PCDHGA7: variants seen among roughly 807,000 people sequenced by gnomAD.
PCDHGA7 encodes the protein protocadherin gamma subfamily A, 7.
PCDHGA7 carries 44 observed loss-of-function variants against 58.3 expected under a neutral mutation model. The ratio of observed to expected loss-of-function variants is 0.75; its 90% CI spans 0.59 to 0.97. PCDHGA7 has a LOEUF of 0.97. Among genes scored for constraint, PCDHGA7 ranks in the 50% least tolerant of loss-of-function variants. PCDHGA7 has a pLI of 0.00. For synonymous variants in PCDHGA7, 516 were observed against 504.2 expected, an observed-to-expected ratio of 1.02 and a Z score of -0.31; for missense variants, 1,266 against 1,188.7, an observed-to-expected ratio of 1.06 and a Z score of -0.96.
rs2096651086 is a variant in PCDHGA7 at position 141,422,486 on chromosome 5, A to G, written c.2424+37163A>G. Reference sequence around the variant, plus strand: ...GACAGGGAGTTGGTCCAGAGCTACAATATAACGTTGACAGCCACAGACCAG... The same window carrying G: ...GACAGGGAGTTGGTCCAGAGCTACAGTATAACGTTGACAGCCACAGACCAG... On this transcript the variant is annotated intron_variant, in intron 1 of 3. Coordinates refer to ENST00000518325, the MANE Select transcript of PCDHGA7 (RefSeq NM_018920.4). The G allele has an allele frequency of 1.2e-6, 2 of 1,613,852 alleles. No individual in the cohort carries two copies. The highest frequency in any genetic ancestry group is 1.3e-5 in the African/African-American group (1 of 74,924).
At chr5:141,504,634 AG>A (rs2099839600) in intron 2 of PCDHGA7, among the ~76,000 whole-genome samples, 1 of 115,756 alleles carries the variant, frequency 8.6e-6, no homozygotes, top group Non-Finnish European at 1.7e-5. Context: ...ACCTTGGAAA[AG>A]GTTTGATGAT....
At chr5:141,478,862 C>A in intron 1 of PCDHGA7, 1 of 1,326,032 alleles carries the variant, frequency 7.5e-7, no homozygotes, top group Non-Finnish European at 1.0e-6. Context: ...AAGATCTCAG[C>A]GATCAGAGTT....
At chr5:141,464,748 T>C (rs995568259) in intron 1 of PCDHGA7, among the ~76,000 whole-genome samples, 2 of 152,190 alleles carry the variant, frequency 1.3e-5, no homozygotes, top group Admixed American at 1.3e-4. Context: ...TATCTTTTTG[T>C]TTTTTTAGAG....
At chr5:141,410,893 G>A (rs1302061377) in intron 1 of PCDHGA7, 5 of 276,602 alleles carry the variant, frequency 1.8e-5, no homozygotes, top group South Asian at 4.6e-5. Context: ...TCGCACTGTT[G>A]CCTAGGCTGG....
chr5:141,408,694 A>T (rs2095152952), intron 1 of PCDHGA7: 1 of 1,613,772 alleles, frequency 6.2e-7, no homozygotes, highest in African/African-American at 1.3e-5. Flanking sequence ...ATATAAACAT[A>T]AACTCAATTA....
chr5:141,510,398 G>A (rs2099880972), intron 3 of PCDHGA7, among the ~76,000 whole-genome samples: 1 of 152,064 alleles, frequency 6.6e-6, no homozygotes, highest in African/African-American at 2.4e-5. Flanking sequence ...CTTGGCAAAG[G>A]CTAGGGGCAT....
chr5:141,512,702 C>T lies in PCDHGA7; in HGVS notation c.*1529C>T, dbSNP rs940927635. 2.0e-5 allele frequency: 3 copies of T among 152,828 alleles called. No homozygotes were observed. Among genetic ancestry groups the T allele is most frequent in the Non-Finnish European group, 2.9e-5 (2 of 68,560 alleles). The allele number at this position is 152,828 out of a possible 1,614,324, so 9.5% of individuals were successfully genotyped here. ...ATAGCCAGTAGTGTAGTGCGGTGTG[C>T]TTTTACGTGATGGCGGGTGGGCAGC... On this transcript the variant is annotated 3_prime_UTR_variant, in exon 4 of 4. Transcript: ENST00000518325.
intron 1 of PCDHGA7, chr5:141,428,371 C>A: frequency 5.6e-6 from 3 of 536,772 alleles, no homozygotes; most frequent in Non-Finnish European, 1.0e-5. Flanking sequence ...CGCCTTGCAC[C>A]TGCGATGCTC....
At chr5:141,492,423 G>C (rs1164828445) in intron 1 of PCDHGA7, among the ~76,000 whole-genome samples, 1 of 152,222 alleles carries the variant, frequency 6.6e-6, no homozygotes, top group African/African-American at 2.4e-5. Context: ...CCCTCCGCCG[G>C]GCTCAGGAGT....
chr5:141,412,170 A>G (rs1015665615), intron 1 of PCDHGA7: 2 of 152,230 alleles, frequency 1.3e-5, no homozygotes, highest in Non-Finnish European at 1.5e-5. Context: ...GATTATTTAT[A>G]CTGGTATTAA....
intron 1 of PCDHGA7, chr5:141,404,714 G>A: frequency 3.1e-6 from 5 of 1,614,068 alleles, no homozygotes; most frequent in Non-Finnish European, 4.2e-6. Flanking sequence ...TGGCTACCTG[G>A]TGACCAAGGT....
At chr5:141,436,105 A>G (rs2097796181) in intron 1 of PCDHGA7, among the ~76,000 whole-genome samples, 2 of 152,198 alleles carry the variant, frequency 1.3e-5, no homozygotes, top group African/African-American at 4.8e-5. Context: ...GAAATAGAGG[A>G]CAATGAAACC....
At chr5:141,426,919 C>A (rs1220443930) in intron 1 of PCDHGA7, 3 of 456,620 alleles carry the variant, frequency 6.6e-6, no homozygotes, top group African/African-American at 6.0e-5. Context: ...GTCCTGGAAG[C>A]AATGGACATG....
intron 1 of PCDHGA7, chr5:141,395,381 A>T (rs562557513): frequency 2.7e-6 from 3 of 1,094,770 alleles, no homozygotes; most frequent in Non-Finnish European, 3.8e-6. Flanking sequence ...TGGTGTTACT[A>T]TAAAATTGAA....
intron 1 of PCDHGA7, chr5:141,415,000 T>G: frequency 6.2e-7 from 1 of 1,613,660 alleles, no homozygotes; most frequent in Non-Finnish European, 8.5e-7. Context: ...CGCCTGGCTG[T>G]CCTACCGTCT....
chr5:141,410,623 G>T, intron 1 of PCDHGA7: 2 of 1,603,052 alleles, frequency 1.2e-6, no homozygotes, highest in Non-Finnish European at 1.7e-6. Context: ...TGACTTCGGT[G>T]AGTTTCTCTT....
chr5:141,444,463 G>A (rs570185430), intron 1 of PCDHGA7, among the ~76,000 whole-genome samples: 10 of 152,026 alleles, frequency 6.6e-5, no homozygotes, highest in Admixed American at 1.3e-4. Context: ...GAGTCACTGC[G>A]CCCGGTCGCG....
At chr5:141,501,600 C>G (rs1320824291) in intron 2 of PCDHGA7, among the ~76,000 whole-genome samples, 1 of 152,040 alleles carries the variant, frequency 6.6e-6, no homozygotes, top group Admixed American at 6.6e-5. Flanking sequence ...TCTACCAGTT[C>G]CAGCTGTGTG....
chr5:141,399,146 G>T (rs758823968), intron 1 of PCDHGA7: 1 of 1,613,792 alleles, frequency 6.2e-7, no homozygotes, highest in East Asian at 2.2e-5. Context: ...AATGACAATA[G>T]CCCAGAAGTT....
Sources: gnomAD v4.1 joint callset for allele counts (sites outside exome capture counted in the v4.1 genomes callset) on GRCh38, gnomAD v4.1.1 for gene constraint, MANE v1.5 for transcripts, NCBI Gene and HGNC (gene_info 2026-07-23, HGNC 2026-07-21) for gene names.